KNG1: variants seen among roughly 807,000 people sequenced by gnomAD.
KNG1 encodes kininogen-1.
Under a neutral mutation model 47.8 loss-of-function variants are expected in KNG1, and 23 were observed. That is an observed-to-expected ratio of 0.48 (90% CI 0.35 to 0.68). KNG1 has a LOEUF of 0.68. KNG1 is among the 30% of genes least tolerant of loss of function. KNG1 has a pLI of 0.01. For missense variants in KNG1, 762 were observed against 790.2 expected (o/e 0.96, Z 0.43); for synonymous variants, 277 against 277.0 (o/e 1.00, Z 0.00).
In KNG1 at chr3:186,742,702, T is replaced by G. The variant is rs897230299; in HGVS notation, c.*371T>G. 9 of 1,049,274 alleles carry G rather than the reference T, an allele frequency of 8.6e-6. No homozygotes were observed. 65.0% of individuals were successfully genotyped at this position (1,049,274 alleles called of 1,614,324 possible). A position where few individuals can be genotyped will look rare whatever the true frequency, so the allele number is the denominator to read the frequency against. Reference sequence around the variant, plus strand: ...TGTCATTCTTAATAAACTGTGGCACTTGGTATTTGAATGTGTGTGAAAATA... The same window carrying G: ...TGTCATTCTTAATAAACTGTGGCACGTGGTATTTGAATGTGTGTGAAAATA... On this transcript the variant is annotated 3_prime_UTR_variant, in exon 10 of 10. Coordinates refer to ENST00000644859, the MANE Select transcript of KNG1 (RefSeq NM_001102416.3).
chr3:186,729,639 G>A (rs1260237552), intron 5 of KNG1, among the ~76,000 whole-genome samples: 1 of 151,694 alleles, frequency 6.6e-6, no homozygotes, highest in Non-Finnish European at 1.5e-5. Context: ...AATTCAGTCA[G>A]AGACTATTGG....
At chr3:186,728,732 C>T in intron 5 of KNG1, 1 of 152,256 alleles carries the variant, frequency 6.6e-6, no homozygotes, top group East Asian at 1.9e-4. Flanking sequence ...CTCACTGCAA[C>T]CTCTGCCTCC....
chr3:186,727,451 C>G, intron 5 of KNG1, 107 bp downstream of exon 5: 2 of 743,062 alleles, frequency 2.7e-6, no homozygotes, highest in Non-Finnish European at 4.8e-6. Flanking sequence ...AGATGACATT[C>G]AGCAATTCAT....
chr3:186,741,279 C>T (rs1720804125), intron 9 of KNG1, among the ~76,000 whole-genome samples: 1 of 152,126 alleles, frequency 6.6e-6, no homozygotes, highest in African/African-American at 2.4e-5. Flanking sequence ...CAGGTGTGAG[C>T]CACCATGCCT....
intron 4 of KNG1, 77 bp downstream of exon 4, chr3:186,725,337 A>G: frequency 1.4e-6 from 2 of 1,411,564 alleles, no homozygotes; most frequent in Non-Finnish European, 2.0e-6. Flanking sequence ...GTATGATTGC[A>G]TGGCTGGTGG....
rs771709545 is a variant in KNG1, at chr3:186,725,080, T to C, written c.392-8T>C. Reference sequence around the variant, plus strand: ...TTAATGCTGTGTTTTTGTCTGCTCTTTGTTAAGCCGAGGGCCCTGTGGTGA... The same window carrying C: ...TTAATGCTGTGTTTTTGTCTGCTCTCTGTTAAGCCGAGGGCCCTGTGGTGA... On this transcript the variant is annotated splice_region_variant and splice_polypyrimidine_tract_variant and intron_variant, in intron 3 of 9. Transcript: ENST00000644859. The C allele has an allele frequency of 2.1e-5, 34 of 1,613,810 alleles. No individual in the cohort carries two copies. Among genetic ancestry groups the C allele is most frequent in the Non-Finnish European group, 2.3e-5 (27 of 1,179,966 alleles).
At position 186,741,898 on chromosome 3, in the gene KNG1, A is replaced by G; in HGVS notation, c.1502A>G (p.His501Arg). The change falls in exon 10 of 10, where the codon CAT becomes CGT. Residue 501 changes from histidine to arginine, a missense_variant. His to Arg is a conservative substitution (Grantham distance 29, BLOSUM62 0). Coordinates refer to ENST00000644859, the MANE Select transcript of KNG1 (RefSeq NM_001102416.3). ...LDHGHKHKHG[H>R]GHGKHKNKGK... ...CATGGACATAAGCATAAGCATGGTC[A>G]TGGCCACGGAAAACATAAAAATAAA... 2 of 1,614,122 alleles carry G rather than the reference A, an allele frequency of 1.2e-6. No homozygotes were observed. Among genetic ancestry groups the G allele is most frequent in the Non-Finnish European group, 1.7e-6 (2 of 1,179,986 alleles).
At chr3:186,731,691 G>A in intron 6 of KNG1, 62 bp downstream of exon 6, 1 of 1,088,680 alleles carries the variant, frequency 9.2e-7, no homozygotes, top group Non-Finnish European at 1.4e-6. Context: ...AACTGGCTGA[G>A]TCTTTTCCTA....
In KNG1 at chr3:186,741,881, T is replaced by A; in HGVS notation, c.1485T>A (p.His495Gln). Reference sequence around the variant, plus strand: ...GGGGCCATGTCCTTGACCATGGACATAAGCATAAGCATGGTCATGGCCACG... The same window carrying A: ...GGGGCCATGTCCTTGACCATGGACAAAAGCATAAGCATGGTCATGGCCACG... ...HQGGHVLDHG[H>Q]KHKHGHGHGK... The change falls in exon 10 of 10, where the codon CAT becomes CAA. Residue 495 changes from histidine (H) to glutamine (Q), a missense_variant. Coordinates refer to ENST00000644859, the MANE Select transcript of KNG1 (RefSeq NM_001102416.3). 1 of 1,613,954 alleles carries A rather than the reference T, an allele frequency of 6.2e-7. No individual in the cohort carries two copies. Among genetic ancestry groups the A allele is most frequent in the Non-Finnish European group, 8.5e-7 (1 of 1,179,928 alleles).
rs780862741 is a variant in KNG1, at chr3:186,717,536, T to A, written c.-7T>A. The A allele has an allele frequency of 1.3e-5, 21 of 1,602,772 alleles. No homozygotes were observed. The highest frequency in any genetic ancestry group is 1.8e-5 in the Non-Finnish European group (21 of 1,170,938). On this transcript the variant is annotated 5_prime_UTR_variant, in exon 1 of 10. Coordinates refer to ENST00000644859, the MANE Select transcript of KNG1 (RefSeq NM_001102416.3). The stretch of plus-strand genomic sequence containing the variant: ...TCCCTCAGCTCCTAGAGGGAGATTG[T>A]TAGATCATGAAACTAATTACCATCC...
intron 2 of KNG1, chr3:186,722,191 T>C: frequency 2.3e-6 from 1 of 427,910 alleles, no homozygotes; most frequent in Non-Finnish European, 4.2e-6. Flanking sequence ...AAACAAAGAC[T>C]CAAGCTTTAA....
chr3:186,734,555 G>A (rs1720621536), intron 7 of KNG1: 1 of 152,058 alleles, frequency 6.6e-6, no homozygotes, highest in South Asian at 2.1e-4. Context: ...GAGGTCAGGA[G>A]TTTGAGACCA....
In KNG1 at chr3:186,743,819, C is replaced by A. The variant is rs1720875965; in HGVS notation, c.*1488C>A. On this transcript the variant is annotated 3_prime_UTR_variant, in exon 10 of 10. Coordinates refer to ENST00000644859, the MANE Select transcript of KNG1 (RefSeq NM_001102416.3). ...CAGAATCTTCACTCCAGGCACATAG[C>A]CCCAACCACCTCTGCCAGCAACCTT... The A allele has an allele frequency of 2.7e-6, 4 of 1,455,158 alleles. No individual in the cohort carries two copies. Among genetic ancestry groups the A allele is most frequent in the African/African-American group, 2.8e-5 (2 of 71,708 alleles). 90.1% of individuals were successfully genotyped at this position (1,455,158 alleles called of 1,614,324 possible). A position where few individuals can be genotyped will look rare whatever the true frequency, so the allele number is the denominator to read the frequency against.
chr3:186,725,967 C>G (rs266724), intron 4 of KNG1, among the ~76,000 whole-genome samples: 80,661 of 149,190 alleles, frequency 0.54, 21,999 homozygotes, highest in Middle Eastern at 0.62. Flanking sequence ...CAGTCTCGCT[C>G]TGTTGCCTAG....
chr3:186,740,975 G>GTTT (rs201397028), intron 9 of KNG1, among the ~76,000 whole-genome samples: 3 of 135,486 alleles, frequency 2.2e-5, no homozygotes, highest in Admixed American at 7.1e-5. Flanking sequence ...GGGTTTTTTT[G>GTTT]TTTTTTTTTT....
chr3:186,727,522 G>A (rs1720407415), intron 5 of KNG1, among the ~76,000 whole-genome samples, 178 bp downstream of exon 5: 1 of 152,064 alleles, frequency 6.6e-6, no homozygotes, highest in Non-Finnish European at 1.5e-5. Flanking sequence ...TTACCTAACT[G>A]GCCAAAGAAT....
intron 7 of KNG1, among the ~76,000 whole-genome samples, chr3:186,735,610 C>T (rs1056445266): frequency 1.3e-5 from 2 of 151,372 alleles, no homozygotes; most frequent in Non-Finnish European, 2.9e-5. Flanking sequence ...AAGAGTGAAA[C>T]TCCATCTCAA....
chr3:186,722,611 C>T, intron 3 of KNG1, 90 bp downstream of exon 3: 1 of 1,053,948 alleles, frequency 9.5e-7, no homozygotes, highest in Non-Finnish European at 1.4e-6. Context: ...TCTGCTTGCT[C>T]CCAGAGGGTG....
At chr3:186,733,425 T>C (rs1436049125) in intron 7 of KNG1, among the ~76,000 whole-genome samples, 2 of 152,166 alleles carry the variant, frequency 1.3e-5, no homozygotes, top group African/African-American at 4.8e-5. Flanking sequence ...CTCCACGCTT[T>C]CTTGCCTCCA....
Sources: allele counts gnomAD v4.1 joint callset (sites outside exome capture counted in the v4.1 genomes callset), GRCh38; gene constraint gnomAD v4.1.1; transcripts MANE v1.5; gene names NCBI Gene and HGNC (gene_info 2026-07-23, HGNC 2026-07-21).